DEPDC4: variants seen among roughly 807,000 people sequenced by gnomAD.
The protein encoded by DEPDC4 is DEP domain-containing protein 4.
In DEPDC4, 52 loss-of-function variants were observed where a neutral mutation model predicts 52.0. The ratio of observed to expected loss-of-function variants is 1.00; its 90% CI spans 0.80 to 1.26. The LOEUF is 1.26. Among genes scored for constraint, DEPDC4 ranks in the 50% most tolerant of loss-of-function variants. DEPDC4 has a pLI of 0.00. For missense variants in DEPDC4, 530 were observed against 546.9 expected (o/e 0.97, Z 0.31); for synonymous variants, 201 against 196.8 (o/e 1.02, Z -0.18).
chr12:100,277,996 T>C, the DEPDC4 span, among the ~76,000 whole-genome samples: 3 of 152,188 alleles, frequency 2.0e-5, no homozygotes, highest in African/African-American at 4.8e-5. Context: ...TAAGGATCTT[T>C]AAAAAATATA....
intron 8 of DEPDC4, among the ~76,000 whole-genome samples, chr12:100,244,389 G>T (rs2096176433): frequency 6.6e-6 from 1 of 151,290 alleles, no homozygotes; most frequent in South Asian, 2.1e-4. Context: ...CACTGTGTTA[G>T]CCAGGACGGT....
downstream of DEPDC4, among the ~76,000 whole-genome samples, chr12:100,239,022 G>A (rs1358059344): frequency 5.9e-5 from 9 of 152,164 alleles, no homozygotes; most frequent in Non-Finnish European, 1.0e-4. Flanking sequence ...GTTTCAGAAA[G>A]TGTATTGTAC....
intron 7 of DEPDC4, among the ~76,000 whole-genome samples, chr12:100,251,844 C>T (rs1019166178): frequency 5.3e-5 from 8 of 152,016 alleles, no homozygotes; most frequent in African/African-American, 1.9e-4. Flanking sequence ...GCTGGGATTA[C>T]AGGCATGAGC....
At chr12:100,274,311 G>T in the DEPDC4 span, among the ~76,000 whole-genome samples, 1 of 152,126 alleles carries the variant, frequency 6.6e-6, no homozygotes, top group South Asian at 2.1e-4. Context: ...CACAGCTGGA[G>T]TTTTTTTGTC....
At chr12:100,268,601 A>T (rs1255611338), upstream of DEPDC4, among the ~76,000 whole-genome samples, 2 of 152,228 alleles carry the variant, frequency 1.3e-5, no homozygotes, top group Non-Finnish European at 1.5e-5. Context: ...CATTACTCAC[A>T]TGCAGAAACC....
chr12:100,246,501 T>G (rs2096186046), intron 8 of DEPDC4, among the ~76,000 whole-genome samples: 1 of 152,242 alleles, frequency 6.6e-6, no homozygotes, highest in Admixed American at 6.5e-5. Flanking sequence ...GGCATTATCT[T>G]ATACCTCTTT....
At chr12:100,246,729 G>C (rs1370479781) in intron 8 of DEPDC4, among the ~76,000 whole-genome samples, 1 of 152,138 alleles carries the variant, frequency 6.6e-6, no homozygotes, top group Non-Finnish European at 1.5e-5. Context: ...TTGAGGTCAG[G>C]AGTTCGAGAC....
At chr12:100,262,437 TCATTATACA>T in intron 2 of DEPDC4, 28 bp from the exon 3 acceptor site, 1 of 1,566,566 alleles carries the variant, frequency 6.4e-7, no homozygotes, top group Non-Finnish European at 8.6e-7. Context: ...GTGGCTCTTT[TCATTATACA>T]CAGAACCAAA....
intron 1 of DEPDC4, 56 bp from the exon 2 acceptor site, chr12:100,263,949 A>T: frequency 6.6e-7 from 1 of 1,509,224 alleles, no homozygotes; most frequent in Non-Finnish European, 8.9e-7. Context: ...AAAATATGCA[A>T]ATTTTTCAGT....
upstream of DEPDC4, among the ~76,000 whole-genome samples, chr12:100,270,476 CTTG>C (rs1378217028): frequency 7.9e-5 from 12 of 152,170 alleles, 1 homozygote; most frequent in South Asian, 2.3e-3. Context: ...TGATTAACTT[CTTG>C]TTGTAAAAAC....
intron 9 of DEPDC4, among the ~76,000 whole-genome samples, chr12:100,232,877 T>A (rs2096136613): frequency 6.6e-6 from 1 of 151,316 alleles, no homozygotes; most frequent in Non-Finnish European, 1.5e-5. Context: ...AGAGGGAAAC[T>A]CCATCTCAAA....
intron 8 of DEPDC4, among the ~76,000 whole-genome samples, chr12:100,248,685 A>G (rs1481031190): frequency 6.6e-6 from 1 of 152,198 alleles, no homozygotes; most frequent in African/African-American, 2.4e-5. Context: ...GAGAGACAGA[A>G]GGTTCCTGCC....
chr12:100,238,823 T>C (rs185448493), downstream of DEPDC4, among the ~76,000 whole-genome samples: 12 of 152,220 alleles, frequency 7.9e-5, no homozygotes, highest in Non-Finnish European at 1.5e-4. Flanking sequence ...GGATATTTAA[T>C]AGTTTATCCA....
At chr12:100,251,746 T>C (rs1445590119) in intron 7 of DEPDC4, among the ~76,000 whole-genome samples, 1 of 152,190 alleles carries the variant, frequency 6.6e-6, no homozygotes, top group African/African-American at 2.4e-5. Flanking sequence ...TTTTGTATTT[T>C]TAGTAGAGAC....
At chr12:100,274,643 C>A in the DEPDC4 span, among the ~76,000 whole-genome samples, 1 of 152,092 alleles carries the variant, frequency 6.6e-6, no homozygotes, top group Admixed American at 6.5e-5. Flanking sequence ...TTTTTTTACA[C>A]CTAGGAAAAT....
rs1207727368 is a variant in DEPDC4 at position 100,262,387 on chromosome 12, T to C, written c.577A>G (p.Asn193Asp). 2 of 1,609,364 alleles carry C rather than the reference T, an allele frequency of 1.2e-6. No individual in the cohort carries two copies. Among genetic ancestry groups the C allele is most frequent in the South Asian group, 1.1e-5 (1 of 89,640 alleles). Residue 193 changes from asparagine to aspartate, a missense_variant, in exon 3 of 10, where the codon AAT becomes GAT. Asn to Asp is a conservative substitution (Grantham distance 23). Coordinates refer to ENST00000550587, the MANE Select transcript of DEPDC4 (RefSeq NM_001364818.2). The part of the protein sequence containing the change: ...TLRPGYEMIS[N>D]PLAQEIGEER... Reference sequence around the variant, plus strand: ...TCACCAATCTCCTGTGCTAGAGGATTTGAAATCATTTCATATCCTGGTCTG... The same window carrying C: ...TCACCAATCTCCTGTGCTAGAGGATCTGAAATCATTTCATATCCTGGTCTG...
At chr12:100,256,253 C>A in intron 3 of DEPDC4, 27 bp from the exon 4 acceptor site, 1 of 1,533,698 alleles carries the variant, frequency 6.5e-7, no homozygotes, top group Non-Finnish European at 8.9e-7. Context: ...ATGCAATGAT[C>A]AAGATTGGTA....
downstream of DEPDC4, among the ~76,000 whole-genome samples, chr12:100,239,754 G>A (rs1259092050): frequency 6.6e-6 from 1 of 152,046 alleles, no homozygotes; most frequent in Non-Finnish European, 1.5e-5. Context: ...TCTAACTCCT[G>A]TGGTCAGCCA....
chr12:100,281,256 T>G, the DEPDC4 span, among the ~76,000 whole-genome samples: 10 of 152,072 alleles, frequency 6.6e-5, no homozygotes, highest in Admixed American at 5.9e-4. Context: ...CTTGAACTCG[T>G]GAGCTCAAGT....
Sources: allele counts gnomAD v4.1 joint callset (sites outside exome capture counted in the v4.1 genomes callset), GRCh38; gene constraint gnomAD v4.1.1; transcripts MANE v1.5; gene names NCBI Gene and HGNC (gene_info 2026-07-23, HGNC 2026-07-21).